MAB21L4: variants seen among roughly 807,000 people sequenced by gnomAD.
MAB21L4 encodes the protein protein mab-21-like 4.
MAB21L4 carries 25 observed loss-of-function variants against 32.4 expected under a neutral mutation model. The observed-to-expected ratio is 0.77, with a 90% CI of 0.56 to 1.08. The LOEUF is 1.08. MAB21L4 is among the 50% of genes least tolerant of loss of function. The pLI, the probability that MAB21L4 is intolerant of heterozygous loss-of-function variation, is 0.00. For synonymous variants in MAB21L4, 280 were observed against 276.8 expected (o/e 1.01, Z -0.11); for missense variants, 638 against 611.0 (o/e 1.04, Z -0.47).
rs752443360 is a variant in MAB21L4, at chr2:240,888,277, G to A, written c.1251+15C>T. The A allele has an allele frequency of 3.1e-5, 47 of 1,521,716 alleles. No homozygotes were observed. The South Asian group carries it at 4.2e-4, about 14-fold the overall frequency. The allele number at this position is 1,521,716 out of a possible 1,614,324, so 94.3% of individuals were successfully genotyped here. A position where few individuals can be genotyped will look rare whatever the true frequency, so the allele number is the denominator to read the frequency against. On this transcript the variant is annotated intron_variant, in intron 4 of 4. Transcript: ENST00000388934. ...GCCCCCGGGCCTGCCCAAGGCCCCC[G>A]CAGCCAGCACCCACCTTGTCCAGCA...
intron 4 of MAB21L4, among the ~76,000 whole-genome samples, chr2:240,887,622 G>C (rs1304689031): frequency 1.3e-5 from 2 of 152,258 alleles, no homozygotes; most frequent in Non-Finnish European, 2.9e-5. Context: ...ATGCCCAGCA[G>C]AGGGTGGCTA....
intron 4 of MAB21L4, among the ~76,000 whole-genome samples, chr2:240,888,062 C>T (rs994325004): frequency 1.3e-5 from 2 of 152,190 alleles, no homozygotes; most frequent in Admixed American, 1.3e-4. Flanking sequence ...GCCCTGGTTC[C>T]AGGGAGAAGC....
intron 3 of MAB21L4, among the ~76,000 whole-genome samples, chr2:240,889,778 C>G (rs886856362): frequency 6.6e-6 from 1 of 152,218 alleles, no homozygotes. Context: ...CTAGGGATGG[C>G]GAAGGCCAGC....
intron 1 of MAB21L4, among the ~76,000 whole-genome samples, chr2:240,893,971 A>G (rs1329222827): frequency 6.6e-6 from 1 of 152,054 alleles, no homozygotes; most frequent in Admixed American, 6.5e-5. Context: ...GCTGGCTGGG[A>G]GCACCAGAAG....
intron 3 of MAB21L4, 53 bp from the exon 4 acceptor site, chr2:240,888,701 T>TGCTCCCACCCTGC (rs1203237104): frequency 1.5e-6 from 2 of 1,293,460 alleles, no homozygotes; most frequent in South Asian, 1.6e-5. Flanking sequence ...GCCCACCCTG[T>TGCTCCCACCCTGC]GCTCCCACCC....
chr2:240,890,192 C>T (rs772266415), intron 2 of MAB21L4, 34 bp from the exon 3 acceptor site: 30 of 1,570,746 alleles, frequency 1.9e-5, no homozygotes, highest in East Asian at 6.8e-5. Flanking sequence ...GGTCAGCCCC[C>T]GCCGCTGTTG....
upstream of MAB21L4, chr2:240,896,276 C>A: frequency 3.1e-6 from 2 of 637,064 alleles, no homozygotes; most frequent in Non-Finnish European, 4.4e-6. Context: ...TGGTTACCAC[C>A]CTCCTCCCTC....
Position 240,888,579 on chromosome 2 carries a change from A to G in MAB21L4, c.964T>C (p.Tyr322His). Residue 322 changes from tyrosine (Y) to histidine (H), a missense_variant, in exon 4 of 5, where the codon TAC becomes CAC. Transcript: ENST00000388934. Reference protein sequence around the residue: ...EDWAELQGAVYRLLVVLLCCL... With the variant: ...EDWAELQGAVHRLLVVLLCCL... ...CAGAGCAGCACCACCAGCAGGCGGT[A>G]CACGGCGCCCTGCAGTTCTGCCCAG... 6.2e-7 allele frequency: 1 copy of G among 1,608,056 alleles called. No individual in the cohort carries two copies. The highest frequency in any genetic ancestry group is 8.5e-7 in the Non-Finnish European group (1 of 1,178,570).
rs202161469 is a variant in MAB21L4, at chr2:240,895,903, C to A, written c.95G>T (p.Arg32Leu). 2.0e-6 allele frequency: 3 copies of A among 1,524,654 alleles called. No homozygotes were observed. The highest frequency in any genetic ancestry group is 2.6e-6 in the Non-Finnish European group (3 of 1,135,182). 94.4% of individuals were successfully genotyped at this position (1,524,654 alleles called of 1,614,324 possible). A position where few individuals can be genotyped will look rare whatever the true frequency, so the allele number is the denominator to read the frequency against. ...LQAIRSREAP[R>L]AQDFQRAENV... ...CTCTGCGCGCTGGAAGTCCTGGGCA[C>A]GCGGCGCCTCCCGGGACCGGATGGC... Residue 32 changes from arginine to leucine, a missense_variant, in exon 1 of 5, where the codon CGT (arginine) becomes CTT (leucine). By Grantham distance (102) the Arg-to-Leu change is moderately radical (BLOSUM62 -2). Coordinates refer to ENST00000388934, the MANE Select transcript of MAB21L4 (RefSeq NM_001085437.3).
chr2:240,891,258 G>A (rs149793149), intron 2 of MAB21L4, among the ~76,000 whole-genome samples: 196 of 152,304 alleles, frequency 1.3e-3, no homozygotes, highest in African/African-American at 4.6e-3. Flanking sequence ...GCAAAAGCTG[G>A]GTAGTGAAAG....
rs867189724 is a variant in MAB21L4 at position 240,895,823 on chromosome 2, C to T, written c.175G>A (p.Val59Met). 45 of 1,590,910 alleles carry T rather than the reference C, an allele frequency of 2.8e-5. No individual in the cohort carries two copies. In the Middle Eastern group the frequency reaches 8.4e-4, roughly 30 times the overall value. The change falls in exon 1 of 5, where the codon GTG (valine) becomes ATG (methionine). Residue 59 changes from valine to methionine, a missense_variant. Coordinates refer to ENST00000388934, the MANE Select transcript of MAB21L4 (RefSeq NM_001085437.3). ...GCCTCCAGGCCACGGGAGTAGTCCACGATGAAGCGGGGGTCCAGGGCATGC... is the reference window on the plus strand; with the variant it reads ...GCCTCCAGGCCACGGGAGTAGTCCATGATGAAGCGGGGGTCCAGGGCATGC... ...RVHALDPRFIVDYSRGLEAFQ... is the reference protein window; with the variant it reads ...RVHALDPRFIMDYSRGLEAFQ...
In MAB21L4 at chr2:240,895,947, CA is replaced by C. The variant is rs2059184244; in HGVS notation, c.50del (p.Leu17ArgfsTer77). 2 of 1,490,512 alleles carry C rather than the reference CA, an allele frequency of 1.3e-6. No homozygotes were observed. The highest frequency in any genetic ancestry group is 2.8e-5 in the African/African-American group (2 of 71,318). 92.3% of individuals were successfully genotyped at this position (1,490,512 alleles called of 1,614,324 possible). On this transcript the variant is annotated frameshift_variant, in exon 1 of 5. Coordinates refer to ENST00000388934, the MANE Select transcript of MAB21L4 (RefSeq NM_001085437.3). LOFTEE classifies it high-confidence loss of function. ...PTSAMAVQVPLWHHYLQAIRS... is the reference protein window; with the variant it reads ...PTSAMAVQVPXWHHYLQAIRS... ...GGATGGCCTGCAGGTAGTGGTGCCA[CA>C]GGGGCACCTGCACGGCCATGGCTGA...
intron 1 of MAB21L4, among the ~76,000 whole-genome samples, chr2:240,893,060 G>A (rs1259088401): frequency 6.6e-6 from 1 of 152,048 alleles, no homozygotes; most frequent in African/African-American, 2.4e-5. Flanking sequence ...GACCGGAGGA[G>A]AGGCCGCCCC....
intron 4 of MAB21L4, 33 bp downstream of exon 4, chr2:240,888,259 G>GGCCTGCCCAAGGCCCCCGC: frequency 6.7e-7 from 1 of 1,489,524 alleles, no homozygotes; most frequent in Non-Finnish European, 9.0e-7. Context: ...CATGCCCCCG[G>GGCCTGCCCAAGGCCCCCGC]GCCTGCCCAA....
Position 240,896,092 on chromosome 2 carries a change from G to C in MAB21L4, c.-95C>G. 1 of 1,336,876 alleles carries C rather than the reference G, an allele frequency of 7.5e-7. No individual in the cohort carries two copies. The allele number at this position is 1,336,876 out of a possible 1,614,324, so 82.8% of individuals were successfully genotyped here. A position where few individuals can be genotyped will look rare whatever the true frequency, so the allele number is the denominator to read the frequency against. ...GCTGTGAGGAGGCACCTGCCCAGGTGAGCAGCAGGTCTGCAGGTGGGGCCT... is the reference window on the plus strand; with the variant it reads ...GCTGTGAGGAGGCACCTGCCCAGGTCAGCAGCAGGTCTGCAGGTGGGGCCT... On this transcript the variant is annotated 5_prime_UTR_variant, in exon 1 of 5. Coordinates refer to ENST00000388934, the MANE Select transcript of MAB21L4 (RefSeq NM_001085437.3).
At chr2:240,892,449 G>C (rs2059158509) in intron 1 of MAB21L4, among the ~76,000 whole-genome samples, 1 of 152,132 alleles carries the variant, frequency 6.6e-6, no homozygotes, top group Non-Finnish European at 1.5e-5. Flanking sequence ...TCCAGCTAGG[G>C]GACCAGTCTA....
At chr2:240,892,950 AC>A (rs780009870) in intron 1 of MAB21L4, among the ~76,000 whole-genome samples, 8 of 151,886 alleles carry the variant, frequency 5.3e-5, no homozygotes, top group South Asian at 4.2e-4. Context: ...CAGTTGCCCT[AC>A]CCCCCCAAAA....
chr2:240,895,523 C>A lies in MAB21L4; in HGVS notation c.475G>T (p.Ala159Ser). 6.3e-7 allele frequency: 1 copy of A among 1,595,638 alleles called. No individual in the cohort carries two copies. Among genetic ancestry groups the A allele is most frequent in the Non-Finnish European group, 8.5e-7 (1 of 1,169,618 alleles). ...LCVLKDLLVA[A>S]IVHCKHHSLI... ...CTGTGGTGCTTGCAGTGTACGATGG[C>A]TGCTACCAGCAGGTCCTTGAGGACA... Residue 159 changes from alanine (A) to serine (S), a missense_variant, in exon 1 of 5, where the codon GCC becomes TCC. By Grantham distance (99) the Ala-to-Ser change is moderately conservative (BLOSUM62 1). Transcript: ENST00000388934.
intron 4 of MAB21L4, among the ~76,000 whole-genome samples, 176 bp downstream of exon 4, chr2:240,888,116 G>A (rs545458107): frequency 3.9e-5 from 6 of 152,170 alleles, no homozygotes; most frequent in Non-Finnish European, 7.4e-5. Flanking sequence ...CCCACGGCCC[G>A]TGTGACCCCC....
Sources: gnomAD v4.1 joint callset for allele counts (sites outside exome capture counted in the v4.1 genomes callset) on GRCh38, gnomAD v4.1.1 for gene constraint, MANE v1.5 for transcripts, NCBI Gene and HGNC (gene_info 2026-07-23, HGNC 2026-07-21) for gene names.